Variants in IQGAP3 observed in about 807,000 individuals in gnomAD.
IQGAP3 encodes the protein ras GTPase-activating-like protein IQGAP3.
In IQGAP3, 165 loss-of-function variants were observed where a neutral mutation model predicts 208.2. That is an observed-to-expected ratio of 0.79 (90% CI 0.70 to 0.90). The LOEUF is 0.90. Ranked by LOEUF, IQGAP3 falls within the 40% of genes least tolerant of loss-of-function variation. The pLI, the probability that IQGAP3 is intolerant of heterozygous loss-of-function variation, is 0.00. For missense variants in IQGAP3, 1,811 were observed against 2,043.1 expected (o/e 0.89, Z 2.19); for synonymous variants, 703 against 803.6 (o/e 0.87, Z 2.12).
At chr1:156,528,757 A>G in intron 35 of IQGAP3, 147 bp from the exon 36 acceptor site, 1 of 1,088,194 alleles carries the variant, frequency 9.2e-7, no homozygotes, top group Non-Finnish European at 1.3e-6. Flanking sequence ...CTTGAGCCCA[A>G]GACTTTGTAA....
At position 156,528,994 on chromosome 1, in the gene IQGAP3, G is replaced by T; in HGVS notation, c.4493C>A (p.Thr1498Asn). The change falls in exon 35 of 38, where the codon ACC (threonine) becomes AAC (asparagine). Residue 1498 changes from threonine (T) to asparagine (N), a missense_variant. Physicochemically the swap from Thr to Asn is moderately conservative, Grantham distance 65. Transcript: ENST00000361170. ...QATLQGLSTK[T>N]TFYEEQGDYY... ...GTCACCCTGCTCCTCATAGAAGGTG[G>T]TCTTAGTGCTCAGGCCCTGTAATGT... 6.2e-7 allele frequency: 1 copy of T among 1,614,222 alleles called. No homozygotes were observed. Among genetic ancestry groups the T allele is most frequent in the South Asian group, 1.1e-5 (1 of 91,090 alleles).
chr1:156,553,857 A>G (rs1675686645), intron 13 of IQGAP3, among the ~76,000 whole-genome samples: 1 of 152,212 alleles, frequency 6.6e-6, no homozygotes, highest in Admixed American at 6.5e-5. Context: ...CTGGGATTAC[A>G]GGCGTGAGCC....
chr1:156,565,753 C>G (rs1047603957), intron 4 of IQGAP3, among the ~76,000 whole-genome samples: 2 of 152,188 alleles, frequency 1.3e-5, no homozygotes, highest in Non-Finnish European at 2.9e-5. Flanking sequence ...CCAATACGAG[C>G]ATGACATAGC....
chr1:156,533,914 G>C (rs184189121), intron 30 of IQGAP3, 39 bp from the exon 31 acceptor site: 2 of 1,603,842 alleles, frequency 1.2e-6, no homozygotes, highest in East Asian at 4.5e-5. Context: ...CAGGGTCTGA[G>C]CCAGGTCTTC....
chr1:156,556,752 T>C, intron 11 of IQGAP3, 59 bp from the exon 12 acceptor site: 1 of 1,428,814 alleles, frequency 7.0e-7, no homozygotes, highest in Admixed American at 2.5e-5. Flanking sequence ...ATCTCCACTC[T>C]CCTCACCAAC....
chr1:156,548,936 G>T (rs748428699), intron 16 of IQGAP3, among the ~76,000 whole-genome samples, 188 bp from the exon 17 acceptor site: 2 of 152,244 alleles, frequency 1.3e-5, no homozygotes, highest in Admixed American at 6.5e-5. Flanking sequence ...ACTGTGCTTG[G>T]AGGGAAAGGC....
At position 156,530,197 on chromosome 1, in the gene IQGAP3, G is replaced by A. The variant is rs374144760; in HGVS notation, c.4312C>T (p.Arg1438Trp). 1.6e-4 allele frequency: 254 copies of A among 1,612,954 alleles called. No individual in the cohort carries two copies. The highest frequency in any genetic ancestry group is 2.0e-4 in the Non-Finnish European group (238 of 1,179,772). ...HSLLPLAEKQ[R>W]RVLRNLRRLE... ...CGGCGTAGGTTCCGCAGGACGCGCC[G>A]CTGCTTCTCTGCCAGTGGCAGGAGG... The change falls in exon 34 of 38, where the codon CGG becomes TGG. Residue 1438 changes from arginine to tryptophan, a missense_variant. Transcript: ENST00000361170.
intron 24 of IQGAP3, 105 bp downstream of exon 24, chr1:156,539,733 G>A (rs1674883648): frequency 1.5e-6 from 2 of 1,370,958 alleles, no homozygotes; most frequent in Non-Finnish European, 2.1e-6. Flanking sequence ...TAAGATTATG[G>A]GAAAGGACAC....
chr1:156,548,385 G>A lies in IQGAP3; in HGVS notation c.2096C>T (p.Pro699Leu), dbSNP rs1035453338. 12 of 1,613,858 alleles carry A rather than the reference G, an allele frequency of 7.4e-6. No homozygotes were observed. The African/African-American group carries it at 1.5e-4, about 20-fold the overall frequency. ...CCGGGTCAGGTGAGAGGTGTTGAGGGGGCAGCCAGGAGGTTGCTCCCAGAT... is the reference window on the plus strand; with the variant it reads ...CCGGGTCAGGTGAGAGGTGTTGAGGAGGCAGCCAGGAGGTTGCTCCCAGAT... The part of the protein sequence containing the change: ...QGIWEQPPGC[P>L]LNTSHLTREE... Residue 699 changes from proline (P) to leucine (L), a missense_variant, in exon 18 of 38, where the codon CCC (proline) becomes CTC (leucine). Physicochemically the swap from Pro to Leu is moderately conservative, Grantham distance 98. Transcript: ENST00000361170.
At chr1:156,550,232 TC>T in intron 16 of IQGAP3, 28 bp downstream of exon 16, 1 of 1,532,458 alleles carries the variant, frequency 6.5e-7, no homozygotes, top group Non-Finnish European at 9.0e-7. Context: ...ATCCCTCCCC[TC>T]CCAGGGTCCC....
At position 156,548,144 on chromosome 1, in the gene IQGAP3, G is replaced by A; in HGVS notation, c.2233C>T (p.Leu745=). The stretch of plus-strand genomic sequence containing the variant: ...TGCTCAGCAAACTTCTGCCGAACTA[G>A]GAAGCCACGGAGGCGGGCCTGGAGC... ...IQLQARLRGF[L]VRQKFAEHSH... Residue 745 remains leucine, a synonymous_variant, in exon 19 of 38, where the codon CTA becomes TTA. Coordinates refer to ENST00000361170, the MANE Select transcript of IQGAP3 (RefSeq NM_178229.5). 1 of 1,613,976 alleles carries A rather than the reference G, an allele frequency of 6.2e-7. No individual in the cohort carries two copies. Among genetic ancestry groups the A allele is most frequent in the African/African-American group, 1.3e-5 (1 of 75,040 alleles).
At position 156,539,036 on chromosome 1, in the gene IQGAP3, G is replaced by T. The variant is rs1674851727; in HGVS notation, c.3057-3C>A. On this transcript the variant is annotated splice_region_variant and splice_polypyrimidine_tract_variant and intron_variant, in intron 25 of 37. Coordinates refer to ENST00000361170, the MANE Select transcript of IQGAP3 (RefSeq NM_178229.5). ...CCTGGGGCTGCTCCACCTTTGACCT[G>T]TGGTTTAAGAGGTCATTGAAACCAG... 1.9e-6 allele frequency: 3 copies of T among 1,611,040 alleles called. No homozygotes were observed. The highest frequency in any genetic ancestry group is 2.5e-6 in the Non-Finnish European group (3 of 1,177,814).
At chr1:156,531,618 T>C (rs895062690) in intron 32 of IQGAP3, among the ~76,000 whole-genome samples, 26 of 150,582 alleles carry the variant, frequency 1.7e-4, no homozygotes, top group African/African-American at 5.4e-4. Context: ...TTTTTTTTTT[T>C]TTTGAGATAG....
Position 156,525,729 on chromosome 1 carries a change from C to CAAAAAAAAAAA in IQGAP3, c.*746_*756dup, listed in dbSNP as rs10611202. ...GGAAAATGAGAACTCTCTTTGAGCT[C>CAAAAAAAAAAA]AAAAAAAAAAAAAAAAAAAAAAAAA... On this transcript the variant is annotated 3_prime_UTR_variant, in exon 38 of 38. Transcript: ENST00000361170. 3.7e-5 allele frequency: 3 copies of CAAAAAAAAAAA among 80,422 alleles called. No homozygotes were observed. The highest frequency in any genetic ancestry group is 1.0e-4 in the African/African-American group (2 of 19,418). The allele number at this position is 80,422 out of a possible 1,614,324, so 5.0% of individuals were successfully genotyped here. A position where few individuals can be genotyped will look rare whatever the true frequency, so the allele number is the denominator to read the frequency against.
At chr1:156,528,137 C>T (rs1674195245) in intron 36 of IQGAP3, 77 bp from the exon 37 acceptor site, 1 of 1,104,928 alleles carries the variant, frequency 9.1e-7, no homozygotes, top group East Asian at 2.4e-5. Flanking sequence ...ACCCACTGCT[C>T]CTCATCCTGG....
chr1:156,526,260 A>T lies in IQGAP3; in HGVS notation c.*226T>A. ...AAGCCAGGGGTTTGTCATGCATGATAAAAGCCACACAGCTGGACTCTGGGC... is the reference window on the plus strand; with the variant it reads ...AAGCCAGGGGTTTGTCATGCATGATTAAAGCCACACAGCTGGACTCTGGGC... On this transcript the variant is annotated 3_prime_UTR_variant, in exon 38 of 38. Transcript: ENST00000361170. The T allele has an allele frequency of 1.8e-6, 1 of 541,922 alleles. No individual in the cohort carries two copies. Among genetic ancestry groups the T allele is most frequent in the South Asian group, 2.3e-5 (1 of 43,388 alleles). The allele number at this position is 541,922 out of a possible 1,614,324, so 33.6% of individuals were successfully genotyped here.
rs531455670 is a variant in IQGAP3 at position 156,553,809 on chromosome 1, G to A, written c.1448+426C>T. The stretch of plus-strand genomic sequence containing the variant: ...TTGGTTAGGCTGGTCCCAAACTCCC[G>A]ACGTCAAGTGATCCTCCCGCCTTGG... On this transcript the variant is annotated intron_variant, in intron 13 of 37. Transcript: ENST00000361170. Among the ~76,000 whole-genome samples, 9 of 152,198 alleles carry A rather than the reference G, an allele frequency of 5.9e-5. No homozygotes were observed. The South Asian group carries it at 1.9e-3, about 32-fold the overall frequency.
intron 11 of IQGAP3, among the ~76,000 whole-genome samples, chr1:156,556,923 T>G: frequency 8.3e-6 from 1 of 120,634 alleles, no homozygotes; most frequent in African/African-American, 3.1e-5. Flanking sequence ...AGAAATTGAG[T>G]AGCTCAGCCT....
intron 2 of IQGAP3, 79 bp from the exon 3 acceptor site, chr1:156,566,625 C>T: frequency 7.0e-7 from 1 of 1,427,474 alleles, no homozygotes; most frequent in East Asian, 2.4e-5. Context: ...TTCCCTCTGT[C>T]CCTCCTTTTA....
Sources: allele counts gnomAD v4.1 joint callset (sites outside exome capture counted in the v4.1 genomes callset), GRCh38; gene constraint gnomAD v4.1.1; transcripts MANE v1.5; gene names NCBI Gene and HGNC (gene_info 2026-07-23, HGNC 2026-07-21).